GAS2: variants seen among roughly 807,000 people sequenced by gnomAD.
The protein encoded by GAS2 is growth arrest specific 2.
Under a neutral mutation model 37.5 loss-of-function variants are expected in GAS2, and 20 were observed. The ratio of observed to expected loss-of-function variants is 0.53; its 90% CI spans 0.37 to 0.77. The LOEUF is 0.77. Ranked by LOEUF, GAS2 falls within the 30% of genes least tolerant of loss-of-function variation. The pLI is 0.00. For synonymous variants in GAS2, 144 were observed against 132.2 expected (o/e 1.09, Z -0.61); for missense variants, 336 against 373.4 (o/e 0.90, Z 0.82).
At chr11:22,695,510 C>T (rs997048500) in intron 3 of GAS2, among the ~76,000 whole-genome samples, 2 of 152,054 alleles carry the variant, frequency 1.3e-5, no homozygotes, top group African/African-American at 2.4e-5. Flanking sequence ...TCTTACCCAA[C>T]CTGCTCATTC....
chr11:22,660,579 A>G (rs1382785314), intron 1 of GAS2, among the ~76,000 whole-genome samples: 2 of 152,240 alleles, frequency 1.3e-5, no homozygotes. Flanking sequence ...ACTTTTAGCA[A>G]ACAAGCAAAG....
intron 1 of GAS2, among the ~76,000 whole-genome samples, chr11:22,652,201 C>T (rs546831750): frequency 9.8e-5 from 15 of 152,298 alleles, no homozygotes; most frequent in African/African-American, 3.6e-4. Context: ...CAGTGTGCCC[C>T]TGCTGGGGGT....
chr11:22,653,078 C>G (rs1161035122), intron 1 of GAS2, among the ~76,000 whole-genome samples: 3 of 93,018 alleles, frequency 3.2e-5, no homozygotes, highest in African/African-American at 1.1e-4. Context: ...TGCTTTCTCT[C>G]TCTCTCCTTC....
chr11:22,675,843 A>T (rs963499069), intron 2 of GAS2, among the ~76,000 whole-genome samples: 139 of 152,154 alleles, frequency 9.1e-4, no homozygotes, highest in African/African-American at 3.3e-3. Context: ...TCATCTGTCA[A>T]GGTAAGAGTT....
chr11:22,776,057 G>C (rs1855240793), intron 7 of GAS2, among the ~76,000 whole-genome samples: 1 of 152,120 alleles, frequency 6.6e-6, no homozygotes, highest in African/African-American at 2.4e-5. Flanking sequence ...AAGAGTTTTG[G>C]GTACGCGTTA....
rs553155469 is a variant in GAS2, at chr11:22,644,906, G to C, written c.-21+19093G>C. Among the ~76,000 whole-genome samples the C allele has an allele frequency of 4.9e-4, 75 of 152,282 alleles. 1 individual carries two copies. The highest frequency in any genetic ancestry group is 2.4e-3 in the Admixed American group (37 of 15,298). ...CCCAAAGTGCTGGGATTACAGGCAT[G>C]AGCCACCACTACCGGCCGCCTATTT... is the stretch of plus-strand genomic sequence containing the variant. On this transcript the variant is annotated intron_variant, in intron 1 of 5. Transcript: ENST00000528582.
intron 7 of GAS2, among the ~76,000 whole-genome samples, chr11:22,781,388 G>A (rs570688168): frequency 3.3e-5 from 5 of 152,270 alleles, no homozygotes; most frequent in East Asian, 3.9e-4. Flanking sequence ...ACATGTTCCC[G>A]CCTCTGCTAC....
intron 3 of GAS2, among the ~76,000 whole-genome samples, chr11:22,707,141 T>C (rs917169914): frequency 2.6e-5 from 4 of 152,164 alleles, no homozygotes; most frequent in African/African-American, 4.8e-5. Flanking sequence ...TTGTATAGAA[T>C]GGGTAAGGGA....
intron 7 of GAS2, among the ~76,000 whole-genome samples, chr11:22,774,086 C>A (rs532372733): frequency 6.6e-6 from 1 of 152,142 alleles, no homozygotes; most frequent in African/African-American, 2.4e-5. Flanking sequence ...CTCCGCCTCC[C>A]GGGTTCAAGC....
chr11:22,734,014 A>G (rs960802106), intron 4 of GAS2, among the ~76,000 whole-genome samples: 1 of 151,760 alleles, frequency 6.6e-6, no homozygotes, highest in African/African-American at 2.4e-5. Flanking sequence ...AAAAAGATAA[A>G]TGATGACATG....
chr11:22,669,445 T>G (rs894734973), intron 1 of GAS2, among the ~76,000 whole-genome samples: 12 of 152,262 alleles, frequency 7.9e-5, no homozygotes, highest in Admixed American at 7.8e-4. Context: ...CCCATTCAGG[T>G]TTTTTTAAAT....
Position 22,696,654 on chromosome 11 carries a change from AT to A in GAS2, c.267+10866del, listed in dbSNP as rs1850534606. ...GCCATTCTAACTGGTGTGAGATGGTATCTCATTGTGGTTTTGATTTGCATTT... is the reference window on the plus strand; with the variant it reads ...GCCATTCTAACTGGTGTGAGATGGTACTCATTGTGGTTTTGATTTGCATTT... On this transcript the variant is annotated intron_variant, in intron 3 of 7. Coordinates refer to ENST00000454584, the MANE Select transcript of GAS2 (RefSeq NM_001143830.3). 2.0e-5 allele frequency among the ~76,000 whole-genome samples: 3 copies of A among 150,470 alleles called. No individual in the cohort carries two copies. The South Asian group carries it at 6.3e-4, about 32-fold the overall frequency.
At chr11:22,656,964 A>G (rs1325512099) in intron 1 of GAS2, among the ~76,000 whole-genome samples, 1 of 152,182 alleles carries the variant, frequency 6.6e-6, no homozygotes, top group Non-Finnish European at 1.5e-5. Flanking sequence ...GATCCCAGTG[A>G]GTATGATCAC....
intron 3 of GAS2, among the ~76,000 whole-genome samples, chr11:22,719,927 T>C (rs946904299): frequency 3.9e-5 from 6 of 152,094 alleles, no homozygotes; most frequent in Non-Finnish European, 8.8e-5. Flanking sequence ...AGGTTTTTAG[T>C]AGATATGTTT....
chr11:22,647,092 T>A (rs1848705784), intron 1 of GAS2, among the ~76,000 whole-genome samples: 1 of 100,840 alleles, frequency 9.9e-6, no homozygotes, highest in Admixed American at 1.4e-4. Context: ...CCCACAACAG[T>A]CCCCAGAGTG....
intron 2 of GAS2, among the ~76,000 whole-genome samples, chr11:22,676,308 G>A (rs991033599): frequency 6.6e-6 from 1 of 152,062 alleles, no homozygotes; most frequent in South Asian, 2.1e-4. Context: ...CTAAACAGAT[G>A]GATTTTTCTC....
chr11:22,746,180 TCAAAAA>T (rs1320700134), intron 5 of GAS2, among the ~76,000 whole-genome samples: 2 of 151,984 alleles, frequency 1.3e-5, no homozygotes, highest in Non-Finnish European at 2.9e-5. Context: ...AGATCATGTC[TCAAAAA>T]CAAACAAACA....
chr11:22,763,239 C>G (rs1854492089), intron 7 of GAS2, among the ~76,000 whole-genome samples: 1 of 152,108 alleles, frequency 6.6e-6, no homozygotes, highest in Non-Finnish European at 1.5e-5. Flanking sequence ...AAAAATTCTT[C>G]AGGATTATGC....
At chr11:22,788,937 T>C (rs1250482066) in intron 7 of GAS2, among the ~76,000 whole-genome samples, 2 of 152,082 alleles carry the variant, frequency 1.3e-5, no homozygotes, top group African/African-American at 4.8e-5. Flanking sequence ...TCACAGTGTC[T>C]ACCAATTAGG....
Sources: allele counts gnomAD v4.1 joint callset (sites outside exome capture counted in the v4.1 genomes callset), GRCh38; gene constraint gnomAD v4.1.1; transcripts MANE v1.5; gene names NCBI Gene and HGNC (gene_info 2026-07-23, HGNC 2026-07-21).